ANKRD62: variants seen among roughly 807,000 people sequenced by gnomAD.
ANKRD62 encodes the protein ankyrin repeat domain-containing protein 62.
Under a neutral mutation model 98.8 loss-of-function variants are expected in ANKRD62, and 61 were observed. That is an observed-to-expected ratio of 0.62 (90% CI 0.50 to 0.76). The LOEUF (loss-of-function observed/expected upper bound fraction) is 0.76. Among genes scored for constraint, ANKRD62 ranks in the 30% least tolerant of loss-of-function variants. The pLI is 0.00. For synonymous variants in ANKRD62, 341 were observed against 367.9 expected, an observed-to-expected ratio of 0.93 and a Z score of 0.84; for missense variants, 933 against 1,082.9, an observed-to-expected ratio of 0.86 and a Z score of 1.94.
the ANKRD62 span, among the ~76,000 whole-genome samples, chr18:12,154,456 C>G: frequency 6.6e-6 from 1 of 152,152 alleles, no homozygotes; most frequent in South Asian, 2.1e-4. Flanking sequence ...CAGATGCTGG[C>G]AAGGTTGTGG....
At chr18:12,150,561 G>A in the ANKRD62 span, among the ~76,000 whole-genome samples, 1 of 152,130 alleles carries the variant, frequency 6.6e-6, no homozygotes, top group Non-Finnish European at 1.5e-5. Context: ...GGAAAGGGCA[G>A]GTCACCTACA....
chr18:12,168,696 A>C, the ANKRD62 span, among the ~76,000 whole-genome samples: 1 of 152,134 alleles, frequency 6.6e-6, no homozygotes, highest in African/African-American at 2.4e-5. Context: ...CTTGATGGGG[A>C]TGGCATTGAA....
intron 7 of ANKRD62, among the ~76,000 whole-genome samples, chr18:12,105,691 A>G (rs1598732088): frequency 7.0e-6 from 1 of 143,344 alleles, no homozygotes; most frequent in African/African-American, 2.6e-5. Context: ...TTATCTATAT[A>G]CATAATTGTG....
chr18:12,098,659 G>A (rs1909234907), intron 5 of ANKRD62: 1 of 152,336 alleles, frequency 6.6e-6, no homozygotes, highest in East Asian at 1.9e-4. Context: ...ATTGGAGTAA[G>A]GTATCTATGA....
intron 1 of ANKRD62, among the ~76,000 whole-genome samples, chr18:12,094,938 A>AGGGTGG (rs1412614412): frequency 3.0e-4 from 2 of 6,774 alleles, no homozygotes; most frequent in African/African-American, 7.0e-4. Flanking sequence ...GTACGATGCA[A>AGGGTGG]GGGTGGGGGT....
At chr18:12,168,317 T>C in the ANKRD62 span, among the ~76,000 whole-genome samples, 1 of 151,946 alleles carries the variant, frequency 6.6e-6, no homozygotes, top group Non-Finnish European at 1.5e-5. Flanking sequence ...TTGTATAAGG[T>C]GTAAGGAAGG....
chr18:12,150,882 C>T, the ANKRD62 span, among the ~76,000 whole-genome samples: 1 of 152,006 alleles, frequency 6.6e-6, no homozygotes, highest in Admixed American at 6.6e-5. Context: ...ATAAAGCAAG[C>T]CAGCATAACA....
the ANKRD62 span, among the ~76,000 whole-genome samples, chr18:12,157,458 G>T: frequency 2.0e-5 from 3 of 151,980 alleles, no homozygotes; most frequent in Admixed American, 2.0e-4. Context: ...GATTATTTTT[G>T]ATTTCCATTT....
intron 7 of ANKRD62, among the ~76,000 whole-genome samples, chr18:12,103,475 C>T (rs1473798418): frequency 6.6e-6 from 1 of 151,878 alleles, no homozygotes; most frequent in Non-Finnish European, 1.5e-5. Context: ...TTTTTATAAC[C>T]TAATGTAATA....
rs772524903 is a variant in ANKRD62 at position 12,095,566 on chromosome 18, A to G, written c.463A>G (p.Arg155Gly). Residue 155 changes from arginine to glycine, a missense_variant, in exon 3 of 14, where the codon AGA becomes GGA. Physicochemically the swap from Arg to Gly is moderately radical, Grantham distance 125 (BLOSUM62 -2). This residue lies in a region of ANKRD62 where 549 missense variants were observed against 587.9 expected (regional missense o/e 0.93). Transcript: ENST00000587848. The stretch of plus-strand genomic sequence containing the variant: ...TGATAATGAGAATATATCAATGGCA[A>G]GAAAACTGCTTGCATATGGTGCAGA... ...AIDNENISMA[R>G]KLLAYGADIE... is the part of the protein sequence containing the mutation. 2.8e-5 allele frequency: 43 copies of G among 1,527,024 alleles called. No individual in the cohort carries two copies. The South Asian group carries it at 4.5e-4, about 16-fold the overall frequency. The allele number at this position is 1,527,024 out of a possible 1,614,324, so 94.6% of individuals were successfully genotyped here. A position where few individuals can be genotyped will look rare whatever the true frequency, so the allele number is the denominator to read the frequency against.
the ANKRD62 span, among the ~76,000 whole-genome samples, chr18:12,146,311 G>A: frequency 6.6e-6 from 1 of 152,170 alleles, no homozygotes; most frequent in Admixed American, 6.5e-5. Context: ...GGAGGATCAG[G>A]CCGCCATCTT....
At position 12,111,917 on chromosome 18, in the gene ANKRD62, C is replaced by T. The variant is rs143983412; in HGVS notation, c.1065-3171C>T. ...CTCAAAGATAGAGTTTGAAACCAGCCTGGCCAACATGGTGAAACCCTGCCT... is the reference window on the plus strand; with the variant it reads ...CTCAAAGATAGAGTTTGAAACCAGCTTGGCCAACATGGTGAAACCCTGCCT... On this transcript the variant is annotated intron_variant, in intron 8 of 13. Coordinates refer to ENST00000587848, the MANE Select transcript of ANKRD62 (RefSeq NM_001277333.2). Among the ~76,000 whole-genome samples the T allele has an allele frequency of 3.1e-3, 471 of 152,050 alleles. 3 individuals carry two copies. Among genetic ancestry groups the T allele is most frequent in the African/African-American group, 9.9e-3 (410 of 41,462 alleles).
intron 8 of ANKRD62, among the ~76,000 whole-genome samples, chr18:12,109,648 A>G (rs1489247630): frequency 6.6e-6 from 1 of 152,218 alleles, no homozygotes; most frequent in African/African-American, 2.4e-5. Flanking sequence ...AATATTGCCA[A>G]GGGATTGTAC....
chr18:12,127,140 C>T (rs73950326), intron 13 of ANKRD62, among the ~76,000 whole-genome samples: 4,543 of 152,138 alleles, frequency 0.03, 131 homozygotes, highest in African/African-American at 0.067. Flanking sequence ...TAAGGTTATC[C>T]GGTACAAAGA....
intron 5 of ANKRD62, 61 bp from the exon 6 acceptor site, chr18:12,099,554 G>A (rs1909254197): frequency 9.6e-7 from 1 of 1,039,718 alleles, no homozygotes; most frequent in South Asian, 2.0e-5. Flanking sequence ...TAATGTATTT[G>A]GTAAAGTTTT....
In ANKRD62 at chr18:12,094,239, AG is replaced by A. The variant is rs1248007294; in HGVS notation, c.218+8del. On this transcript the variant is annotated splice_donor_5th_base_variant and intron_variant, in intron 1 of 13. Transcript: ENST00000587848. Reference sequence around the variant, plus strand: ...ACGACAGGGACAAGAAGAACAGGTAAGGGGAACAGGAAGCCGGGAGGAGGCC... The same window carrying A: ...ACGACAGGGACAAGAAGAACAGGTAAGGGAACAGGAAGCCGGGAGGAGGCC... 3.9e-6 allele frequency: 6 copies of A among 1,521,266 alleles called. No individual in the cohort carries two copies. In the African/African-American group the frequency reaches 8.9e-5, roughly 23 times the overall value. The allele number at this position is 1,521,266 out of a possible 1,614,324, so 94.2% of individuals were successfully genotyped here. A position where few individuals can be genotyped will look rare whatever the true frequency, so the allele number is the denominator to read the frequency against.
intron 8 of ANKRD62, among the ~76,000 whole-genome samples, 194 bp from the exon 9 acceptor site, chr18:12,114,894 C>A (rs1909627483): frequency 6.6e-6 from 1 of 151,878 alleles, no homozygotes; most frequent in Non-Finnish European, 1.5e-5. Flanking sequence ...TGTAGTGCTA[C>A]CCTTTCCATT....
intron 8 of ANKRD62, among the ~76,000 whole-genome samples, chr18:12,107,699 A>G (rs1410035534): frequency 6.6e-6 from 1 of 152,202 alleles, no homozygotes; most frequent in African/African-American, 2.4e-5. Context: ...ACATCCTCTT[A>G]TACACTGTTG....
the ANKRD62 span, among the ~76,000 whole-genome samples, chr18:12,155,097 C>G: frequency 6.6e-6 from 1 of 152,186 alleles, no homozygotes; most frequent in Non-Finnish European, 1.5e-5. Context: ...CAAACCTTCA[C>G]ATGTACCCTG....
Sources: allele counts gnomAD v4.1 joint callset (sites outside exome capture counted in the v4.1 genomes callset), GRCh38; gene constraint gnomAD v4.1.1; regional missense constraint gnomAD v4.1.1; transcripts MANE v1.5; gene names NCBI Gene and HGNC (gene_info 2026-07-23, HGNC 2026-07-21).